ZDHHC13: variants seen among roughly 807,000 people sequenced by gnomAD.
ZDHHC13 encodes the protein palmitoyltransferase ZDHHC13.
Under a neutral mutation model 86.0 loss-of-function variants are expected in ZDHHC13, and 85 were observed. That is an observed-to-expected ratio of 0.99 (90% CI 0.83 to 1.18). ZDHHC13 has a LOEUF of 1.18. Ranked by LOEUF, ZDHHC13 falls within the 50% of genes most tolerant of loss-of-function variation. The pLI is 0.00. For missense variants in ZDHHC13, 711 were observed against 730.2 expected (o/e 0.97, Z 0.30); for synonymous variants, 263 against 246.4 (o/e 1.07, Z -0.63).
chr11:19,158,987 T>A lies in ZDHHC13; in HGVS notation c.1055T>A (p.Leu352Gln). The A allele has an allele frequency of 6.5e-7, 1 of 1,549,946 alleles. No homozygotes were observed. Among genetic ancestry groups the A allele is most frequent in the Non-Finnish European group, 8.7e-7 (1 of 1,146,340 alleles). ...CTTGTATACTTACCAACAGCCTTTC[T>A]GCTAAGTTCTGTTTTTTGGATATTT... ...KNLVYLPTAF[L>Q]LSSVFWIFMT... The change falls in exon 10 of 17, where the codon CTG becomes CAG. Residue 352 changes from leucine to glutamine, a missense_variant. Leu to Gln is a moderately radical substitution (Grantham distance 113). Coordinates refer to ENST00000446113, the MANE Select transcript of ZDHHC13 (RefSeq NM_019028.3).
chr11:19,155,581 C>T (rs1396984733), intron 8 of ZDHHC13, among the ~76,000 whole-genome samples: 1 of 46,808 alleles, frequency 2.1e-5, no homozygotes, highest in Non-Finnish European at 5.3e-5. Context: ...AACTTCATCT[C>T]AAAAAAAAAA....
At chr11:19,156,456 A>G (rs1849758316) in intron 9 of ZDHHC13, among the ~76,000 whole-genome samples, 2 of 152,180 alleles carry the variant, frequency 1.3e-5, no homozygotes, top group Non-Finnish European at 2.9e-5. Context: ...GCTTGAATTC[A>G]AGTCAAGCTT....
At chr11:19,159,340 G>T (rs551050755) in intron 10 of ZDHHC13, among the ~76,000 whole-genome samples, 18 of 152,108 alleles carry the variant, frequency 1.2e-4, no homozygotes, top group Admixed American at 2.6e-4. Context: ...ATTCCTTCAA[G>T]GTCAGATGGT....
At chr11:19,119,824 T>C (rs1848723062) in intron 1 of ZDHHC13, among the ~76,000 whole-genome samples, 1 of 152,256 alleles carries the variant, frequency 6.6e-6, no homozygotes, top group Non-Finnish European at 1.5e-5. Context: ...CTGTAAATAC[T>C]TGTCAATGAA....
intron 10 of ZDHHC13, among the ~76,000 whole-genome samples, chr11:19,160,693 C>T (rs959447830): frequency 1.1e-4 from 16 of 152,008 alleles, no homozygotes; most frequent in African/African-American, 3.6e-4. Context: ...ACCCAAGTAA[C>T]CCCTCTCCCC....
At chr11:19,166,424 A>G (rs1240026284) in intron 14 of ZDHHC13, 39 bp downstream of exon 14, 2 of 1,502,014 alleles carry the variant, frequency 1.3e-6, no homozygotes, top group Admixed American at 3.6e-5. Context: ...ACATACATCT[A>G]CACCCATTTC....
chr11:19,135,197 A>G (rs1006586509), intron 1 of ZDHHC13, among the ~76,000 whole-genome samples: 6 of 152,222 alleles, frequency 3.9e-5, no homozygotes, highest in African/African-American at 1.4e-4. Flanking sequence ...GACAGTGGGC[A>G]CAGGTCAGTG....
chr11:19,174,633 A>G (rs376690106), intron 16 of ZDHHC13, among the ~76,000 whole-genome samples: 1 of 152,264 alleles, frequency 6.6e-6, no homozygotes, highest in African/African-American at 2.4e-5. Flanking sequence ...ATTTCTCATA[A>G]CTGGAATAGA....
At chr11:19,143,335 A>C (rs916595381) in intron 2 of ZDHHC13, among the ~76,000 whole-genome samples, 2 of 152,338 alleles carry the variant, frequency 1.3e-5, no homozygotes, top group Non-Finnish European at 2.9e-5. Flanking sequence ...GATTGTAGGC[A>C]GGTTCTTAGC....
At chr11:19,159,305 C>T (rs937704485) in intron 10 of ZDHHC13, among the ~76,000 whole-genome samples, 1 of 151,810 alleles carries the variant, frequency 6.6e-6, no homozygotes, top group African/African-American at 2.4e-5. Context: ...TTTACTTGTA[C>T]CATAATTTGT....
chr11:19,144,474 A>C (rs1849404463), intron 2 of ZDHHC13, among the ~76,000 whole-genome samples: 1 of 144,784 alleles, frequency 6.9e-6, no homozygotes, highest in Non-Finnish European at 1.5e-5. Context: ...TGTTTTCTAA[A>C]CCAGCAAAAC....
chr11:19,129,691 A>G (rs1209146764), intron 1 of ZDHHC13, among the ~76,000 whole-genome samples: 1 of 151,996 alleles, frequency 6.6e-6, no homozygotes, highest in Admixed American at 6.5e-5. Flanking sequence ...CCTTACTAAT[A>G]TTTTGTTTAG....
chr11:19,150,185 C>A (rs77389638), intron 5 of ZDHHC13, among the ~76,000 whole-genome samples: 5 of 152,080 alleles, frequency 3.3e-5, no homozygotes, highest in African/African-American at 1.2e-4. Context: ...ATTAAAAGGA[C>A]TGTATCCTCA....
chr11:19,137,139 C>A (rs968817106), intron 1 of ZDHHC13, among the ~76,000 whole-genome samples: 112 of 152,138 alleles, frequency 7.4e-4, no homozygotes, highest in African/African-American at 2.5e-3. Context: ...ATAAAGAGTC[C>A]AGACCCATCA....
chr11:19,125,943 A>G (rs1848864453), intron 1 of ZDHHC13, among the ~76,000 whole-genome samples: 1 of 152,084 alleles, frequency 6.6e-6, no homozygotes, highest in South Asian at 2.1e-4. Flanking sequence ...GGAGGGTATG[A>G]CTGCAAAGGA....
At chr11:19,147,934 CATAA>C (rs1849512033) in intron 4 of ZDHHC13, among the ~76,000 whole-genome samples, 1 of 152,082 alleles carries the variant, frequency 6.6e-6, no homozygotes, top group Non-Finnish European at 1.5e-5. Context: ...TACTTGGTAA[CATAA>C]ATAAAAATAG....
chr11:19,136,586 T>C (rs1849147918), intron 1 of ZDHHC13, among the ~76,000 whole-genome samples: 1 of 151,964 alleles, frequency 6.6e-6, no homozygotes, highest in African/African-American at 2.4e-5. Flanking sequence ...AAGATACTCC[T>C]CGAGAAGAGC....
At position 19,175,984 on chromosome 11, in the gene ZDHHC13, A is replaced by G. The variant is rs773363201; in HGVS notation, c.*24A>G. On this transcript the variant is annotated 3_prime_UTR_variant, in exon 17 of 17. Coordinates refer to ENST00000446113, the MANE Select transcript of ZDHHC13 (RefSeq NM_019028.3). ...GAAGAAAAGCAACCCAAAACTCTCAATCTGATTTGTTTTTGTTTATGTCGA... is the reference window on the plus strand; with the variant it reads ...GAAGAAAAGCAACCCAAAACTCTCAGTCTGATTTGTTTTTGTTTATGTCGA... The G allele has an allele frequency of 3.2e-6, 5 of 1,581,668 alleles. No homozygotes were observed. The highest frequency in any genetic ancestry group is 2.3e-5 in the East Asian group (1 of 44,026).
rs779099379 is a variant in ZDHHC13 at position 19,158,967 on chromosome 11, A to G, written c.1035A>G (p.Val345=). 4 of 1,548,850 alleles carry G rather than the reference A, an allele frequency of 2.6e-6. No individual in the cohort carries two copies. The highest frequency in any genetic ancestry group is 2.4e-5 in the South Asian group (2 of 83,648). Residue 345 remains valine, a synonymous_variant, in exon 10 of 17, where the codon GTA becomes GTG. Coordinates refer to ENST00000446113, the MANE Select transcript of ZDHHC13 (RefSeq NM_019028.3). ...TCTTGGTTGGGTATAAGAACCTTGT[A>G]TACTTACCAACAGCCTTTCTGCTAA... ...PRFLVGYKNL[V]YLPTAFLLSS...
Sources: allele counts gnomAD v4.1 joint callset (sites outside exome capture counted in the v4.1 genomes callset), GRCh38; gene constraint gnomAD v4.1.1; transcripts MANE v1.5; gene names NCBI Gene and HGNC (gene_info 2026-07-23, HGNC 2026-07-21).